KIF3B: variants seen among roughly 807,000 people sequenced by gnomAD.
KIF3B encodes the protein kinesin-like protein KIF3B.
KIF3B carries 38 observed loss-of-function variants against 74.3 expected under a neutral mutation model. That is an observed-to-expected ratio of 0.51 (90% confidence interval 0.39 to 0.67). The LOEUF is 0.67. KIF3B is among the 30% of genes least tolerant of loss of function. KIF3B has a pLI of 0.00. For missense variants in KIF3B, 649 were observed against 932.0 expected (o/e 0.70, Z 3.95); for synonymous variants, 326 against 342.5 (o/e 0.95, Z 0.53).
chr20:32,294,720 A>G (rs1269698408), intron 1 of KIF3B, among the ~76,000 whole-genome samples: 1 of 152,222 alleles, frequency 6.6e-6, no homozygotes. Context: ...AGTAAATGGC[A>G]GAGCAGAAAT....
intron 1 of KIF3B, among the ~76,000 whole-genome samples, chr20:32,308,586 T>C (rs2047783974): frequency 6.6e-6 from 1 of 151,868 alleles, no homozygotes; most frequent in African/African-American, 2.4e-5. Flanking sequence ...AATTTTTGTA[T>C]TTTTTGTAGA....
At chr20:32,298,976 A>G (rs2047729120) in intron 1 of KIF3B, among the ~76,000 whole-genome samples, 1 of 152,072 alleles carries the variant, frequency 6.6e-6, no homozygotes, top group Non-Finnish European at 1.5e-5. Context: ...CCCACTTTTT[A>G]GTACTTATAC....
chr20:32,305,721 C>T (rs977006088), intron 1 of KIF3B, among the ~76,000 whole-genome samples: 2 of 151,324 alleles, frequency 1.3e-5, no homozygotes, highest in African/African-American at 4.9e-5. Context: ...ATTACAGGCA[C>T]ATGCCACCAT....
At chr20:32,285,653 C>T (rs73239247) in intron 1 of KIF3B, among the ~76,000 whole-genome samples, 1 of 152,078 alleles carries the variant, frequency 6.6e-6, no homozygotes, top group South Asian at 2.1e-4. Context: ...CTCTGTCTTG[C>T]GCATACATAT....
Position 32,310,695 on chromosome 20 carries a change from T to C in KIF3B, c.918T>C (p.Gly306=), listed in dbSNP as rs1250179634. ...KLTRLLQDSL[G]GNAKTVMVAN... is the part of the protein sequence containing the mutation. ...CCAGGCTCCTCCAAGATTCCCTTGG[T>C]GGCAATGCCAAGACTGTGATGGTGG... is the stretch of plus-strand genomic sequence containing the variant. The change falls in exon 2 of 9, where the codon GGT becomes GGC. Residue 306 remains glycine, a synonymous_variant. Coordinates refer to ENST00000375712, the MANE Select transcript of KIF3B (RefSeq NM_004798.4). This position sits in a 1 kb window ranked among gnomAD's most constrained non-coding sequence, Gnocchi z 6.5. 6.2e-7 allele frequency: 1 copy of C among 1,614,010 alleles called. No homozygotes were observed. The highest frequency in any genetic ancestry group is 2.2e-5 in the East Asian group (1 of 44,894).
chr20:32,279,992 T>G (rs950989252), intron 1 of KIF3B, among the ~76,000 whole-genome samples: 1 of 152,222 alleles, frequency 6.6e-6, no homozygotes, highest in African/African-American at 2.4e-5. Context: ...GCTCAGTACC[T>G]CTGAAATGAT....
intron 8 of KIF3B, 130 bp downstream of exon 8, chr20:32,330,449 T>A: frequency 1.3e-6 from 1 of 753,778 alleles, no homozygotes; most frequent in Non-Finnish European, 2.1e-6. Flanking sequence ...TACTCCTATG[T>A]TTACTTATTT....
chr20:32,323,809 C>T (rs1045225365), intron 5 of KIF3B, among the ~76,000 whole-genome samples: 8 of 151,756 alleles, frequency 5.3e-5, no homozygotes, highest in African/African-American at 1.2e-4. Context: ...ACCTGGAAGG[C>T]GGAGGTTGCA....
At chr20:32,305,078 G>A (rs1317971726) in intron 1 of KIF3B, among the ~76,000 whole-genome samples, 3 of 152,086 alleles carry the variant, frequency 2.0e-5, no homozygotes, top group African/African-American at 7.2e-5. Context: ...AACCCAGGAG[G>A]TGGAGGTTGC....
At chr20:32,328,646 A>T (rs1360304209) in intron 7 of KIF3B, among the ~76,000 whole-genome samples, 1 of 150,768 alleles carries the variant, frequency 6.6e-6, no homozygotes, top group Non-Finnish European at 1.5e-5. Context: ...AGAGAAGGAG[A>T]GTACAAACAT....
intron 1 of KIF3B, among the ~76,000 whole-genome samples, chr20:32,301,296 C>T (rs887058917): frequency 6.6e-6 from 1 of 151,694 alleles, no homozygotes; most frequent in Non-Finnish European, 1.5e-5. Context: ...AACTCCTGAC[C>T]TCAGGTGATA....
rs2047773493 is a variant in KIF3B, at chr20:32,306,702, C to T, written c.-65-3011C>T. Among the ~76,000 whole-genome samples the T allele has an allele frequency of 2.0e-5, 3 of 147,258 alleles. No homozygotes were observed. The South Asian group carries it at 6.7e-4, about 33-fold the overall frequency. Reference sequence around the variant, plus strand: ...CGCCACCTCCCGGGTTCAAGCAATTCTCCTGTCTCAGCCTCCCAAGTAGCT... The same window carrying T: ...CGCCACCTCCCGGGTTCAAGCAATTTTCCTGTCTCAGCCTCCCAAGTAGCT... On this transcript the variant is annotated intron_variant, in intron 1 of 8. Transcript: ENST00000375712.
At chr20:32,320,223 A>G (rs1272605220) in intron 5 of KIF3B, among the ~76,000 whole-genome samples, 1 of 152,088 alleles carries the variant, frequency 6.6e-6, no homozygotes, top group African/African-American at 2.4e-5. Flanking sequence ...ATATTAATAT[A>G]TTATGAATAC....
intron 1 of KIF3B, among the ~76,000 whole-genome samples, chr20:32,307,825 A>G (rs1298452435): frequency 6.6e-6 from 1 of 151,386 alleles, no homozygotes; most frequent in East Asian, 1.9e-4. Context: ...AGGCTGAGAC[A>G]GGAGAATGGC....
chr20:32,285,253 C>T (rs1370684713), intron 1 of KIF3B, among the ~76,000 whole-genome samples: 1 of 152,192 alleles, frequency 6.6e-6, no homozygotes, highest in African/African-American at 2.4e-5. Flanking sequence ...TCTTAGTGAT[C>T]TAACTTCAGG....
At chr20:32,283,533 G>A (rs576646365) in intron 1 of KIF3B, among the ~76,000 whole-genome samples, 23 of 149,672 alleles carry the variant, frequency 1.5e-4, no homozygotes, top group African/African-American at 5.4e-4. Flanking sequence ...TAGATGGCTA[G>A]GCATGGTGAC....
At chr20:32,306,741 T>TG (rs2047773749) in intron 1 of KIF3B, among the ~76,000 whole-genome samples, 1 of 151,928 alleles carries the variant, frequency 6.6e-6, no homozygotes, top group Non-Finnish European at 1.5e-5. Context: ...ACTACAAGCT[T>TG]GCGCCACCAT....
chr20:32,291,644 C>T (rs1349106339), intron 1 of KIF3B, among the ~76,000 whole-genome samples: 2 of 143,696 alleles, frequency 1.4e-5, no homozygotes, highest in Non-Finnish European at 3.0e-5. Flanking sequence ...GAGACAGAGT[C>T]TCGCTCTGTC....
intron 1 of KIF3B, among the ~76,000 whole-genome samples, chr20:32,289,809 G>T (rs768957550): frequency 2.0e-5 from 3 of 152,172 alleles, no homozygotes; most frequent in Non-Finnish European, 2.9e-5. Context: ...TTGACATTTA[G>T]GACATGCTGG....
Sources: gnomAD v4.1 joint callset for allele counts (sites outside exome capture counted in the v4.1 genomes callset) on GRCh38, gnomAD v4.1.1 for gene constraint, Gnocchi (gnomAD v3.1) non-coding constraint, MANE v1.5 for transcripts, NCBI Gene and HGNC (gene_info 2026-07-23, HGNC 2026-07-21) for gene names.